PRKCA: variants seen among roughly 807,000 people sequenced by gnomAD.
PRKCA encodes protein kinase C alpha.
PRKCA carries 27 observed loss-of-function variants against 87.0 expected under a neutral mutation model. That is an observed-to-expected ratio of 0.31 (90% CI 0.23 to 0.43). The LOEUF (loss-of-function observed/expected upper bound fraction) is 0.43. Ranked by LOEUF, PRKCA falls within the 20% of genes least tolerant of loss-of-function variation. The probability of loss-of-function intolerance (pLI) is 1.00; values close to 1 mark genes in which losing one functional copy is unlikely to be tolerated. For synonymous variants in PRKCA, 329 were observed against 311.1 expected, an observed-to-expected ratio of 1.06 and a Z score of -0.61; for missense variants, 518 against 852.3, an observed-to-expected ratio of 0.61 and a Z score of 4.88.
At chr17:66,452,607 G>A (rs1426627691) in intron 2 of PRKCA, among the ~76,000 whole-genome samples, 4 of 152,126 alleles carry the variant, frequency 2.6e-5, no homozygotes, top group Admixed American at 1.3e-4. Context: ...TCAGGAATGC[G>A]GCCTCTGCAC....
At chr17:66,582,607 CTG>C (rs1284669392) in intron 3 of PRKCA, among the ~76,000 whole-genome samples, 1 of 138,738 alleles carries the variant, frequency 7.2e-6, no homozygotes, top group Non-Finnish European at 1.5e-5. Context: ...CCTTGTGGAA[CTG>C]TGAGTCCATT....
chr17:66,647,712 C>T (rs1416171262), intron 5 of PRKCA, among the ~76,000 whole-genome samples: 1 of 152,182 alleles, frequency 6.6e-6, no homozygotes, highest in African/African-American at 2.4e-5. Flanking sequence ...AGGCTAATTC[C>T]TCTACCATTG....
chr17:66,656,875 T>A, intron 5 of PRKCA, among the ~76,000 whole-genome samples: 1 of 152,184 alleles, frequency 6.6e-6, no homozygotes, highest in East Asian at 1.9e-4. Context: ...AATAGGCAGG[T>A]GCTGTCCTAT....
intron 3 of PRKCA, among the ~76,000 whole-genome samples, chr17:66,625,836 A>G (rs978993553): frequency 1.3e-5 from 2 of 152,192 alleles, no homozygotes; most frequent in Non-Finnish European, 2.9e-5. Context: ...TTAACTATCC[A>G]TGGCTTCAAA....
In PRKCA at chr17:66,724,253, G is replaced by A. The variant is rs548971776; in HGVS notation, c.919-8435G>A. 4.6e-5 allele frequency among the ~76,000 whole-genome samples: 7 copies of A among 150,696 alleles called. No homozygotes were observed. The East Asian group carries it at 9.8e-4, about 21-fold the overall frequency. ...GGAGGTTGCAGTGAGCCAAGATCGC[G>A]CCACTGTACTCCAGCCTGGGCGACA... is the stretch of plus-strand genomic sequence containing the variant. On this transcript the variant is annotated intron_variant, in intron 8 of 16. Transcript: ENST00000413366.
chr17:66,727,132 C>T (rs977128149), intron 8 of PRKCA, among the ~76,000 whole-genome samples: 2 of 152,246 alleles, frequency 1.3e-5, no homozygotes, highest in South Asian at 4.2e-4. Flanking sequence ...GGTGGGACCT[C>T]GACCTCAGCT....
intron 5 of PRKCA, among the ~76,000 whole-genome samples, chr17:66,647,659 G>T (rs999551088): frequency 6.6e-6 from 1 of 152,192 alleles, no homozygotes; most frequent in African/African-American, 2.4e-5. Context: ...AGGTACACAG[G>T]TGGAAGACAA....
At chr17:66,387,468 T>C (rs1187343022) in intron 2 of PRKCA, among the ~76,000 whole-genome samples, 1 of 152,192 alleles carries the variant, frequency 6.6e-6, no homozygotes, top group Non-Finnish European at 1.5e-5. Flanking sequence ...GGAGAGCTCC[T>C]GTCTTCTGGA....
chr17:66,534,592 G>A (rs1332190042), intron 3 of PRKCA, among the ~76,000 whole-genome samples: 2 of 152,052 alleles, frequency 1.3e-5, no homozygotes, highest in African/African-American at 4.8e-5. Context: ...GCGTGAACCC[G>A]GGAGGCGGAG....
At chr17:66,457,313 A>G (rs992322570) in intron 2 of PRKCA, among the ~76,000 whole-genome samples, 4 of 151,778 alleles carry the variant, frequency 2.6e-5, no homozygotes, top group African/African-American at 9.7e-5. Flanking sequence ...GGGTGAAGAG[A>G]TGTGTGGGGT....
chr17:66,596,571 C>CTTTTTTTTTTT (rs10582567), intron 3 of PRKCA, among the ~76,000 whole-genome samples: 2 of 113,862 alleles, frequency 1.8e-5, no homozygotes, highest in Non-Finnish European at 3.4e-5. Flanking sequence ...AATATTAAAC[C>CTTTTTTTTTTT]TTTTTTTTTT....
intron 14 of PRKCA, among the ~76,000 whole-genome samples, chr17:66,785,056 C>T (rs531664141): frequency 6.6e-6 from 1 of 152,332 alleles, no homozygotes; most frequent in African/African-American, 2.4e-5. Flanking sequence ...GAAAAAGAGG[C>T]CTATTTATTT....
chr17:66,652,075 C>T (rs1971604470), intron 5 of PRKCA, among the ~76,000 whole-genome samples: 1 of 152,182 alleles, frequency 6.6e-6, no homozygotes, highest in African/African-American at 2.4e-5. Context: ...TCTCCTGCCT[C>T]AGCCTCTCGA....
At chr17:66,506,634 T>C (rs867523531) in intron 3 of PRKCA, among the ~76,000 whole-genome samples, 1 of 152,132 alleles carries the variant, frequency 6.6e-6, no homozygotes, top group Non-Finnish European at 1.5e-5. Context: ...TACCCAAGAG[T>C]AGCCGTCTCA....
chr17:66,468,230 AC>A (rs1420573617), intron 2 of PRKCA, among the ~76,000 whole-genome samples: 2 of 152,226 alleles, frequency 1.3e-5, no homozygotes, highest in African/African-American at 4.8e-5. Context: ...CTGTGTATTT[AC>A]CTATTTAAAA....
chr17:66,481,676 C>T (rs1915782151), intron 2 of PRKCA, among the ~76,000 whole-genome samples: 1 of 152,188 alleles, frequency 6.6e-6, no homozygotes, highest in South Asian at 2.1e-4. Flanking sequence ...AGCATCTCTT[C>T]TAGGCAGATA....
rs148517700 is a variant in PRKCA at position 66,596,419 on chromosome 17, C to T, written c.289-44936C>T. ...GGCTGTTCAGAGCCAGGCTCTGCTC[C>T]ACTTCATCCCCATCCCAGTGACATT... On this transcript the variant is annotated intron_variant, in intron 3 of 16. Coordinates refer to ENST00000413366, the MANE Select transcript of PRKCA (RefSeq NM_002737.3). Among the ~76,000 whole-genome samples, 374 of 152,208 alleles carry T rather than the reference C, an allele frequency of 2.5e-3. 1 individual carries two copies. Among genetic ancestry groups the T allele is most frequent in the African/African-American group, 8.6e-3 (355 of 41,518 alleles).
chr17:66,589,151 T>C (rs1969715575), intron 3 of PRKCA, among the ~76,000 whole-genome samples: 1 of 152,166 alleles, frequency 6.6e-6, no homozygotes, highest in Non-Finnish European at 1.5e-5. Context: ...TTAGACTAGC[T>C]TCTTGACACC....
At chr17:66,736,552 A>G (rs1974033308) in intron 10 of PRKCA, among the ~76,000 whole-genome samples, 1 of 152,210 alleles carries the variant, frequency 6.6e-6, no homozygotes, top group African/African-American at 2.4e-5. Flanking sequence ...TGCTGGGATT[A>G]CAGGCATGAG....
Sources: gnomAD v4.1 joint callset for allele counts (sites outside exome capture counted in the v4.1 genomes callset) on GRCh38, gnomAD v4.1.1 for gene constraint, MANE v1.5 for transcripts, NCBI Gene and HGNC (gene_info 2026-07-23, HGNC 2026-07-21) for gene names.